RPS6KA2: variants seen among roughly 807,000 people sequenced by gnomAD.
RPS6KA2 encodes the protein ribosomal protein S6 kinase alpha-2.
In RPS6KA2, 42 loss-of-function variants were observed where a neutral mutation model predicts 91.8. The observed-to-expected ratio is 0.46, with a 90% CI of 0.36 to 0.59. RPS6KA2 has a LOEUF of 0.59. RPS6KA2 is among the 20% of genes least tolerant of loss of function. The pLI is 0.00. For synonymous variants in RPS6KA2, 414 were observed against 393.6 expected, an observed-to-expected ratio of 1.05 and a Z score of -0.61; for missense variants, 798 against 978.5, an observed-to-expected ratio of 0.82 and a Z score of 2.46.
At chr6:166,487,736 T>A (rs1377719265) in intron 10 of RPS6KA2, among the ~76,000 whole-genome samples, 1 of 152,248 alleles carries the variant, frequency 6.6e-6, no homozygotes, top group Non-Finnish European at 1.5e-5. Flanking sequence ...ATGAATCTCA[T>A]GGGGATTAGT....
chr6:166,608,235 T>C (rs1227173416), intron 1 of RPS6KA2, among the ~76,000 whole-genome samples: 1 of 152,150 alleles, frequency 6.6e-6, no homozygotes, highest in Non-Finnish European at 1.5e-5. Context: ...CAAAATAAAA[T>C]TTAGAATGCA....
intron 11 of RPS6KA2, chr6:166,465,310 C>T (rs958018510): frequency 2.0e-5 from 3 of 152,286 alleles, no homozygotes; most frequent in Admixed American, 1.3e-4. Flanking sequence ...GTAAAATTAC[C>T]CCTTAAATAA....
chr6:166,462,265 G>A (rs1339306241), intron 11 of RPS6KA2, among the ~76,000 whole-genome samples: 9 of 152,180 alleles, frequency 5.9e-5, no homozygotes, highest in African/African-American at 1.4e-4. Context: ...TGGAACCCCC[G>A]GTGGGGCAGG....
At chr6:166,842,963 T>C (rs72503825) in intron 2 of RPS6KA2, among the ~76,000 whole-genome samples, 5,830 of 152,188 alleles carry the variant, frequency 0.038, 534 homozygotes, top group East Asian at 0.38. Flanking sequence ...ACCGTGAGTC[T>C]GCCTGCCTTC....
chr6:166,653,476 C>T (rs1038925250), intron 2 of RPS6KA2, among the ~76,000 whole-genome samples: 20 of 152,330 alleles, frequency 1.3e-4, no homozygotes, highest in Admixed American at 9.1e-4. Context: ...AAGACGGAAT[C>T]GACATGGCAA....
upstream of RPS6KA2, among the ~76,000 whole-genome samples, chr6:166,630,232 G>A (rs1787031318): frequency 6.6e-6 from 1 of 152,202 alleles, no homozygotes; most frequent in African/African-American, 2.4e-5. Flanking sequence ...AGGCTGGTGT[G>A]CTCTCTGCAT....
intron 2 of RPS6KA2, among the ~76,000 whole-genome samples, chr6:166,763,788 G>A (rs966611948): frequency 5.9e-5 from 9 of 152,168 alleles, no homozygotes; most frequent in East Asian, 1.9e-4. Flanking sequence ...AGTCCCAAGG[G>A]CCCCATGATA....
At chr6:166,593,823 T>C (rs1337912235) in intron 1 of RPS6KA2, among the ~76,000 whole-genome samples, 1 of 152,228 alleles carries the variant, frequency 6.6e-6, no homozygotes, top group Non-Finnish European at 1.5e-5. Flanking sequence ...ACTTAAAATG[T>C]ATATTTTTAA....
chr6:166,629,894 G>C (rs1297445931), upstream of RPS6KA2, among the ~76,000 whole-genome samples: 1 of 152,170 alleles, frequency 6.6e-6, no homozygotes, highest in Non-Finnish European at 1.5e-5. Context: ...TGGCACTGTG[G>C]TGGTCATTTG....
intron 15 of RPS6KA2, among the ~76,000 whole-genome samples, 200 bp from the exon 16 acceptor site, chr6:166,430,811 A>C (rs1779101968): frequency 6.6e-6 from 1 of 152,152 alleles, no homozygotes; most frequent in Non-Finnish European, 1.5e-5. Context: ...TAGGAAGAAA[A>C]CGGCTTTAAT....
At position 166,490,910 on chromosome 6, in the gene RPS6KA2, A is replaced by G. The variant is rs2281045; in HGVS notation, c.748-169T>C. Among the ~76,000 whole-genome samples the G allele has an allele frequency of 0.25, 37,661 of 152,152 alleles. 5,579 individuals are homozygous for G. The highest frequency in any genetic ancestry group is 0.54 in the East Asian group (2,800 of 5,164). Reference sequence around the variant, plus strand: ...TGCTTGGGGTACAACAGTGACTAAAACTGCCTCGCAGAGCTTGCCATTTGG... The same window carrying G: ...TGCTTGGGGTACAACAGTGACTAAAGCTGCCTCGCAGAGCTTGCCATTTGG... On this transcript the variant is annotated intron_variant, in intron 8 of 20. Transcript: ENST00000265678. The surrounding 1 kb of genome is among the most constrained non-coding windows in gnomAD (Gnocchi z 4.2).
chr6:166,715,812 C>A (rs1449746780), intron 2 of RPS6KA2, among the ~76,000 whole-genome samples: 1 of 151,944 alleles, frequency 6.6e-6, no homozygotes, highest in African/African-American at 2.4e-5. Context: ...CCGAGGCAGG[C>A]GGATCATCTG....
chr6:166,502,577 GC>G lies in RPS6KA2; in HGVS notation c.567-1654del, dbSNP rs539008193. 5.3e-5 allele frequency among the ~76,000 whole-genome samples: 8 copies of G among 152,244 alleles called. No homozygotes were observed. In the South Asian group the frequency reaches 1.7e-3, roughly 32 times the overall value. ...TAACACACAGGCGTCAACAGCCAGG[GC>G]CGCACGAGGAGGAGGAGTGGCAACG... On this transcript the variant is annotated intron_variant, in intron 6 of 20. Coordinates refer to ENST00000265678, the MANE Select transcript of RPS6KA2 (RefSeq NM_021135.6).
chr6:166,857,954 C>A, intron 2 of RPS6KA2: 1 of 525,432 alleles, frequency 1.9e-6, no homozygotes. Context: ...TGAACTTTAC[C>A]TCGATGGACA....
chr6:166,851,486 G>T (rs562909539), intron 2 of RPS6KA2, among the ~76,000 whole-genome samples: 1 of 152,204 alleles, frequency 6.6e-6, no homozygotes, highest in Non-Finnish European at 1.5e-5. Flanking sequence ...TCACCAGGCA[G>T]CAGAGATAGT....
At chr6:166,535,328 A>C (rs11963921) in intron 2 of RPS6KA2, among the ~76,000 whole-genome samples, 7,873 of 152,208 alleles carry the variant, frequency 0.052, 662 homozygotes, top group African/African-American at 0.18. Context: ...TTGGGCTGCA[A>C]AATCCTTCAA....
chr6:166,412,919 G>T lies in RPS6KA2; in HGVS notation c.2077-32C>A. ...AACAGAAGACAAGGGTGAGAGCCGCGGCGCCTCACTCCAGGGGTTGAGCCG... is the reference window on the plus strand; with the variant it reads ...AACAGAAGACAAGGGTGAGAGCCGCTGCGCCTCACTCCAGGGGTTGAGCCG... On this transcript the variant is annotated intron_variant, in intron 20 of 20. Coordinates refer to ENST00000265678, the MANE Select transcript of RPS6KA2 (RefSeq NM_021135.6). This position sits in a 1 kb window ranked among gnomAD's most constrained non-coding sequence, Gnocchi z 4.3. 1 of 1,533,712 alleles carries T rather than the reference G, an allele frequency of 6.5e-7. No individual in the cohort carries two copies. The highest frequency in any genetic ancestry group is 8.8e-7 in the Non-Finnish European group (1 of 1,136,730).
At chr6:166,822,045 G>T (rs572050145) in intron 2 of RPS6KA2, among the ~76,000 whole-genome samples, 1 of 152,144 alleles carries the variant, frequency 6.6e-6, no homozygotes, top group Non-Finnish European at 1.5e-5. Context: ...CACCATGGAC[G>T]CTGCTCGCGC....
intron 2 of RPS6KA2, among the ~76,000 whole-genome samples, chr6:166,854,807 C>T (rs1029248658): frequency 2.6e-5 from 4 of 152,142 alleles, no homozygotes; most frequent in Non-Finnish European, 4.4e-5. Context: ...AAACTAAAAA[C>T]AGAACTACCA....
Sources: gnomAD v4.1 joint callset for allele counts (sites outside exome capture counted in the v4.1 genomes callset) on GRCh38, gnomAD v4.1.1 for gene constraint, Gnocchi (gnomAD v3.1) non-coding constraint, MANE v1.5 for transcripts, NCBI Gene and HGNC (gene_info 2026-07-23, HGNC 2026-07-21) for gene names.